Variants in L3MBTL4 observed in about 807,000 individuals in gnomAD.
L3MBTL4 encodes the protein L3MBTL histone methyl-lysine binding protein 4.
A neutral mutation model predicts 84.5 loss-of-function variants in L3MBTL4; 70 were observed. That is an observed-to-expected ratio of 0.83 (90% CI 0.68 to 1.01). The LOEUF (loss-of-function observed/expected upper bound fraction) is 1.01. Ranked by LOEUF, L3MBTL4 falls within the 50% of genes least tolerant of loss-of-function variation. The probability of loss-of-function intolerance (pLI) is 0.00; values close to 1 mark genes in which losing one functional copy is unlikely to be tolerated. For missense variants in L3MBTL4, 715 were observed against 754.8 expected (o/e 0.95, Z 0.62); for synonymous variants, 274 against 259.8 (o/e 1.05, Z -0.52).
chr18:6,390,777 G>A (rs900530976), intron 1 of L3MBTL4, among the ~76,000 whole-genome samples: 6 of 152,056 alleles, frequency 3.9e-5, no homozygotes, highest in African/African-American at 1.4e-4. Context: ...ATTAAATCAG[G>A]AAGAAACAGA....
intron 16 of L3MBTL4, among the ~76,000 whole-genome samples, chr18:6,028,311 T>C (rs1464434028): frequency 6.6e-5 from 10 of 152,180 alleles, no homozygotes; most frequent in Middle Eastern, 3.4e-3. Context: ...TTCCCATTGT[T>C]GTTTTGTCAG....
At chr18:5,988,652 G>A (rs1260543882) in intron 16 of L3MBTL4, among the ~76,000 whole-genome samples, 6 of 147,168 alleles carry the variant, frequency 4.1e-5, no homozygotes, top group South Asian at 2.2e-4. Context: ...ATGTATGTAC[G>A]TATGTATATG....
At chr18:6,222,649 T>G (rs751030514) in intron 10 of L3MBTL4, among the ~76,000 whole-genome samples, 1 of 152,174 alleles carries the variant, frequency 6.6e-6, no homozygotes, top group Non-Finnish European at 1.5e-5. Context: ...CATATTCCAC[T>G]GAGTGACACT....
At chr18:6,081,274 A>G (rs370032626) in intron 15 of L3MBTL4, 5 of 201,942 alleles carry the variant, frequency 2.5e-5, no homozygotes, top group African/African-American at 9.3e-5. Flanking sequence ...ATGGGATGGT[A>G]GGTAAGTAAA....
At chr18:5,975,311 AGTTCTACTGT>A (rs1488069905) in intron 16 of L3MBTL4, among the ~76,000 whole-genome samples, 1 of 152,208 alleles carries the variant, frequency 6.6e-6, no homozygotes, top group Non-Finnish European at 1.5e-5. Context: ...AAGGGGTAGC[AGTTCTACTGT>A]GTTCTCTGCT....
chr18:6,292,122 G>A (rs975111511), intron 4 of L3MBTL4, among the ~76,000 whole-genome samples: 1 of 151,982 alleles, frequency 6.6e-6, no homozygotes, highest in Admixed American at 6.6e-5. Context: ...TATCACATGT[G>A]CTACAAACTA....
intron 1 of L3MBTL4, among the ~76,000 whole-genome samples, chr18:6,335,437 T>G (rs1385971737): frequency 6.6e-6 from 1 of 152,184 alleles, no homozygotes; most frequent in Non-Finnish European, 1.5e-5. Flanking sequence ...CACAGCAAAC[T>G]AATTATATGG....
intron 16 of L3MBTL4, among the ~76,000 whole-genome samples, chr18:6,045,067 A>G (rs1324237390): frequency 6.6e-6 from 1 of 152,178 alleles, no homozygotes; most frequent in East Asian, 1.9e-4. Flanking sequence ...GTGCTTGGAA[A>G]AGAAGAAAGC....
intron 1 of L3MBTL4, among the ~76,000 whole-genome samples, chr18:6,327,792 A>AT (rs1443978726): frequency 6.6e-6 from 1 of 152,110 alleles, no homozygotes; most frequent in Non-Finnish European, 1.5e-5. Context: ...ACTTCACTGC[A>AT]TATTTGAATA....
At position 6,187,326 on chromosome 18, in the gene L3MBTL4, C is replaced by T. The variant is rs373624785; in HGVS notation, c.982-15384G>A. 8.5e-4 allele frequency among the ~76,000 whole-genome samples: 130 copies of T among 152,056 alleles called. No homozygotes were observed. In the South Asian group the frequency reaches 0.013, roughly 15 times the overall value. On this transcript the variant is annotated intron_variant, in intron 12 of 18. Coordinates refer to ENST00000317931, the MANE Select transcript of L3MBTL4 (RefSeq NM_001330559.2). ...ACAAAAGAAGTTATAATTTCAAGTG[C>T]CTACAGGATATCTAACATTACTCGA...
At chr18:6,030,138 C>A in intron 16 of L3MBTL4, 1 of 799,606 alleles carries the variant, frequency 1.3e-6, no homozygotes, top group Non-Finnish European at 1.5e-6. Context: ...TGTAAATACA[C>A]ATACACACAT....
At chr18:6,166,875 A>C (rs919097350) in intron 13 of L3MBTL4, among the ~76,000 whole-genome samples, 2 of 152,204 alleles carry the variant, frequency 1.3e-5, no homozygotes, top group Admixed American at 6.5e-5. Flanking sequence ...TCAAAAAATC[A>C]ATGAATCCAG....
chr18:6,336,332 T>C (rs2052336637), intron 1 of L3MBTL4, among the ~76,000 whole-genome samples: 1 of 152,112 alleles, frequency 6.6e-6, no homozygotes, highest in Non-Finnish European at 1.5e-5. Flanking sequence ...TAAAGGACCA[T>C]GGCAGAGTTT....
chr18:6,000,266 C>T (rs937921779), intron 16 of L3MBTL4, among the ~76,000 whole-genome samples: 5 of 151,698 alleles, frequency 3.3e-5, no homozygotes, highest in African/African-American at 1.2e-4. Context: ...TTTGGAAACA[C>T]AAAATAAAGC....
chr18:6,411,482 T>A (rs889334036), intron 1 of L3MBTL4, among the ~76,000 whole-genome samples: 13 of 152,224 alleles, frequency 8.5e-5, no homozygotes, highest in African/African-American at 2.9e-4. Context: ...CACCTCTTTT[T>A]AGCCAAGTTC....
At chr18:5,995,754 G>A (rs2053933675) in intron 16 of L3MBTL4, among the ~76,000 whole-genome samples, 1 of 152,190 alleles carries the variant, frequency 6.6e-6, no homozygotes, top group African/African-American at 2.4e-5. Flanking sequence ...TACCCTAAGA[G>A]CATGGCTGGC....
intron 1 of L3MBTL4, among the ~76,000 whole-genome samples, chr18:6,324,899 T>C (rs1436029074): frequency 1.3e-5 from 2 of 152,164 alleles, no homozygotes; most frequent in African/African-American, 2.4e-5. Context: ...CCAAAATTTA[T>C]GAAAAGTTGC....
chr18:6,287,465 T>C (rs571689668), intron 4 of L3MBTL4, among the ~76,000 whole-genome samples: 19 of 152,120 alleles, frequency 1.2e-4, no homozygotes, highest in Non-Finnish European at 2.4e-4. Flanking sequence ...TAAACTAAAT[T>C]CCCTTTTTCC....
chr18:6,152,529 T>A (rs768257753), intron 13 of L3MBTL4, among the ~76,000 whole-genome samples: 51 of 152,214 alleles, frequency 3.4e-4, no homozygotes, highest in Non-Finnish European at 6.0e-4. Flanking sequence ...CTGCTGTCCA[T>A]CTGTATGGCT....
Sources: allele counts gnomAD v4.1 joint callset (sites outside exome capture counted in the v4.1 genomes callset), GRCh38; gene constraint gnomAD v4.1.1; transcripts MANE v1.5; gene names NCBI Gene and HGNC (gene_info 2026-07-23, HGNC 2026-07-21).